MYO5A: variants seen among roughly 807,000 people sequenced by gnomAD.
The protein encoded by MYO5A is myosin VA.
MYO5A carries 98 observed loss-of-function variants against 249.7 expected under a neutral mutation model. The ratio of observed to expected loss-of-function variants is 0.39; its 90% confidence interval spans 0.33 to 0.46. The LOEUF (loss-of-function observed/expected upper bound fraction) is 0.46, where lower values mean the gene tolerates loss of function less well. Ranked by LOEUF, MYO5A falls within the 20% of genes least tolerant of loss-of-function variation. The pLI is 0.98. For synonymous variants in MYO5A, 778 were observed against 810.6 expected, an observed-to-expected ratio of 0.96 and a Z score of 0.68; for missense variants, 1,696 against 2,308.8, an observed-to-expected ratio of 0.73 and a Z score of 5.44.
intron 1 of MYO5A, among the ~76,000 whole-genome samples, chr15:52,467,965 G>A (rs1019766002): frequency 3.3e-5 from 5 of 151,972 alleles, no homozygotes; most frequent in East Asian, 3.8e-4. Flanking sequence ...ACATATCAGC[G>A]AATTAATAAG....
chr15:52,440,643 C>G (rs1256511962), intron 1 of MYO5A, among the ~76,000 whole-genome samples: 1 of 152,204 alleles, frequency 6.6e-6, no homozygotes, highest in Non-Finnish European at 1.5e-5. Flanking sequence ...AGATGACTCA[C>G]TGGAAGTTTT....
chr15:52,415,533 T>G (rs1276352093), intron 5 of MYO5A, among the ~76,000 whole-genome samples: 1 of 152,196 alleles, frequency 6.6e-6, no homozygotes, highest in Admixed American at 6.5e-5. Context: ...TACTGTCTTT[T>G]ATGAACCTAT....
At chr15:52,480,251 A>G (rs111906221) in intron 1 of MYO5A, among the ~76,000 whole-genome samples, 7 of 152,328 alleles carry the variant, frequency 4.6e-5, no homozygotes, top group African/African-American at 1.7e-4. Context: ...AAACATCTAC[A>G]AAGTCTCTAG....
At position 52,370,268 on chromosome 15, in the gene MYO5A, C is replaced by T; in HGVS notation, c.2967G>A (p.Gln989=). 6.2e-7 allele frequency: 1 copy of T among 1,614,086 alleles called. No individual in the cohort carries two copies. The highest frequency in any genetic ancestry group is 1.3e-5 in the African/African-American group (1 of 75,034). ...KVATGRVLSL[Q]EEIAKLRKDL... ...CTTTCCGGAGCTTGGCAATTTCTTCCTGCAGACTAAGGACCCGCCCAGTGG... is the reference window on the plus strand; with the variant it reads ...CTTTCCGGAGCTTGGCAATTTCTTCTTGCAGACTAAGGACCCGCCCAGTGG... The change falls in exon 22 of 42, where the codon CAG becomes CAA. Residue 989 remains glutamine (Q), a synonymous_variant. Coordinates refer to ENST00000399233, the MANE Select transcript of MYO5A (RefSeq NM_001382347.1).
At chr15:52,523,535 C>T (rs535653099) in intron 1 of MYO5A, among the ~76,000 whole-genome samples, 6 of 152,172 alleles carry the variant, frequency 3.9e-5, no homozygotes, top group African/African-American at 1.2e-4. Flanking sequence ...CTTAGAGTAT[C>T]GTGGGAGTGG....
At chr15:52,412,923 G>A (rs2043311067) in intron 5 of MYO5A, among the ~76,000 whole-genome samples, 1 of 152,088 alleles carries the variant, frequency 6.6e-6, no homozygotes, top group South Asian at 2.1e-4. Context: ...CAAGGCGGGT[G>A]GATCACCTGA....
At chr15:52,397,560 G>T in intron 9 of MYO5A, 94 bp from the exon 10 acceptor site, 1 of 1,454,090 alleles carries the variant, frequency 6.9e-7, no homozygotes. Flanking sequence ...ATAAAATTCA[G>T]CAATTTCTTT....
At chr15:52,364,532 A>G in intron 24 of MYO5A, 22 bp downstream of exon 24, 1 of 1,595,548 alleles carries the variant, frequency 6.3e-7, no homozygotes, top group Non-Finnish European at 8.5e-7. Flanking sequence ...CATTAAAAAA[A>G]AAACAAAAGT....
chr15:52,505,173 A>T (rs968955824), intron 1 of MYO5A: 145 of 752,678 alleles, frequency 1.9e-4, no homozygotes, highest in Non-Finnish European at 2.6e-4. Context: ...GAGAACTCTC[A>T]GATACAGCCA....
In MYO5A at chr15:52,397,311, C is replaced by G; in HGVS notation, c.1209G>C (p.Leu403Phe). The G allele has an allele frequency of 1.9e-6, 3 of 1,613,990 alleles. No homozygotes were observed. The highest frequency in any genetic ancestry group is 1.7e-6 in the Non-Finnish European group (2 of 1,179,946). ...AGAGCTTGGCATAGATGTGCTTGGC[C>G]AAAGCATCGCGGGCATTCGTGGCCT... Reference protein sequence around the residue: ...KLQATNARDALAKHIYAKLFN... With the variant: ...KLQATNARDAFAKHIYAKLFN... The change falls in exon 10 of 42, where the codon TTG becomes TTC. Residue 403 changes from leucine (L) to phenylalanine (F), a missense_variant. Around this residue, in one of 5 missense-constraint regions of MYO5A, gnomAD observed 185 missense variants for 204.8 expected, o/e 0.90. Transcript: ENST00000399233.
intron 40 of MYO5A, among the ~76,000 whole-genome samples, chr15:52,315,307 T>C (rs970393386): frequency 6.6e-6 from 1 of 152,220 alleles, no homozygotes; most frequent in Admixed American, 6.5e-5. Flanking sequence ...TTCTGTCAGA[T>C]AGTTCTGCTT....
At position 52,383,131 on chromosome 15, in the gene MYO5A, C is replaced by T; in HGVS notation, c.1972G>A (p.Val658Met). The T allele has an allele frequency of 6.2e-7, 1 of 1,613,964 alleles. No homozygotes were observed. Among genetic ancestry groups the T allele is most frequent in the Non-Finnish European group, 8.5e-7 (1 of 1,179,940 alleles). ...AAGTCATTAGGCTTGATACAGCGCA[C>T]ATAGTGAGGGGTAGTGGCATTGAGT... ...ETLNATTPHY[V>M]RCIKPNDFKF... The change falls in exon 16 of 42, where the codon GTG becomes ATG. Residue 658 changes from valine to methionine, a missense_variant. Transcript: ENST00000399233.
In MYO5A at chr15:52,397,463, T is replaced by C. The variant is rs1251743754; in HGVS notation, c.1057A>G (p.Lys353Glu). ...CAGAAGATGCAGAGAGGTTCATGCT[T>C]GGGCTGCCAAAAGATAATGAGTTAT... is the stretch of plus-strand genomic sequence containing the variant. ...RDADSCTIPPKHEPLCIFCEL... is the reference protein window; with the variant it reads ...RDADSCTIPPEHEPLCIFCEL... The change falls in exon 10 of 42, where the codon AAG becomes GAG. Residue 353 changes from lysine to glutamate, a missense_variant. This residue lies in a region of MYO5A where 185 missense variants were observed against 204.8 expected (regional missense o/e 0.90). Transcript: ENST00000399233. The C allele has an allele frequency of 6.2e-7, 1 of 1,613,860 alleles. No individual in the cohort carries two copies.
intron 4 of MYO5A, among the ~76,000 whole-genome samples, chr15:52,417,261 A>G (rs1244573660): frequency 6.6e-6 from 1 of 152,198 alleles, no homozygotes. Flanking sequence ...AATTACTTCA[A>G]TATCTTACAG....
At chr15:52,438,132 T>A in intron 1 of MYO5A, 2 of 811,806 alleles carry the variant, frequency 2.5e-6, no homozygotes, top group Non-Finnish European at 3.0e-6. Context: ...ATACCTTAGA[T>A]GCTGAAACAG....
intron 18 of MYO5A, among the ~76,000 whole-genome samples, chr15:52,378,559 C>T (rs981336597): frequency 1.0e-5 from 1 of 95,350 alleles, no homozygotes; most frequent in Non-Finnish European, 2.3e-5. Flanking sequence ...ACTCAAAAAG[C>T]CCCAGTTAAA....
At chr15:52,482,634 C>T (rs34113113) in intron 1 of MYO5A, among the ~76,000 whole-genome samples, 22,443 of 152,102 alleles carry the variant, frequency 0.15, 1,785 homozygotes, top group Middle Eastern at 0.22. Flanking sequence ...ACATTAATTT[C>T]CTGTTCATAA....
At chr15:52,431,829 A>G (rs906219779) in intron 2 of MYO5A, among the ~76,000 whole-genome samples, 2 of 152,144 alleles carry the variant, frequency 1.3e-5, no homozygotes, top group African/African-American at 4.8e-5. Context: ...CTACTAAAAA[A>G]ATTTAAAAAT....
At chr15:52,434,966 T>G (rs1206708266) in intron 1 of MYO5A, among the ~76,000 whole-genome samples, 2 of 152,224 alleles carry the variant, frequency 1.3e-5, no homozygotes, top group African/African-American at 4.8e-5. Context: ...ACTAATTTAC[T>G]TGGAGCTTTG....
Sources: allele counts gnomAD v4.1 joint callset (sites outside exome capture counted in the v4.1 genomes callset), GRCh38; gene constraint gnomAD v4.1.1; regional missense constraint gnomAD v4.1.1; transcripts MANE v1.5; gene names NCBI Gene and HGNC (gene_info 2026-07-23, HGNC 2026-07-21).